The following TGFBR3 variants were observed in gnomAD, a reference collection of about 807,000 sequenced individuals.
TGFBR3 encodes transforming growth factor beta receptor 3.
In TGFBR3, 46 loss-of-function variants were observed where a neutral mutation model predicts 87.9. The ratio of observed to expected loss-of-function variants is 0.52; its 90% CI spans 0.41 to 0.67. The LOEUF (loss-of-function observed/expected upper bound fraction) is 0.67. Ranked by LOEUF, TGFBR3 falls within the 30% of genes least tolerant of loss-of-function variation. TGFBR3 has a pLI of 0.00. For missense variants in TGFBR3, 866 were observed against 1,041.9 expected (o/e 0.83, Z 2.32); for synonymous variants, 381 against 391.6 (o/e 0.97, Z 0.32).
intron 1 of TGFBR3, among the ~76,000 whole-genome samples, chr1:91,901,918 T>TG (rs1245070351): frequency 6.9e-6 from 1 of 145,862 alleles, no homozygotes; most frequent in African/African-American, 2.5e-5. Flanking sequence ...AGCAAGGCCC[T>TG]GACCCTCCCC....
chr1:91,868,097 T>C (rs574040693), intron 1 of TGFBR3, among the ~76,000 whole-genome samples: 2 of 152,288 alleles, frequency 1.3e-5, no homozygotes, highest in African/African-American at 4.8e-5. Flanking sequence ...TTTGTATTTT[T>C]AGTAGAGACA....
intron 16 of TGFBR3, among the ~76,000 whole-genome samples, chr1:91,684,154 C>T (rs1671010432): frequency 6.6e-6 from 1 of 152,220 alleles, no homozygotes; most frequent in Non-Finnish European, 1.5e-5. Flanking sequence ...TCAGGGTCCA[C>T]AACCTTTGAT....
rs1000619994 is a variant in TGFBR3 at position 91,696,251 on chromosome 1, C to T, written c.2330-472G>A. Among the ~76,000 whole-genome samples, 3 of 152,170 alleles carry T rather than the reference C, an allele frequency of 2.0e-5. No homozygotes were observed. The South Asian group carries it at 6.2e-4, about 32-fold the overall frequency. On this transcript the variant is annotated intron_variant, in intron 15 of 16. Transcript: ENST00000212355. The stretch of plus-strand genomic sequence containing the variant: ...AACACACACCTTAGAATACTTTATA[C>T]ACATATTTTTGTGAACATTTACAAG...
Position 91,761,449 on chromosome 1 carries a change from C to A in TGFBR3, c.247-2699G>T, listed in dbSNP as rs887042067. ...TGGCACACAGGGTCCAGGCAGAGCC[C>A]CAAAAGCCATTTGGCAAAGAAGAAT... On this transcript the variant is annotated intron_variant, in intron 3 of 16. Transcript: ENST00000212355. Among the ~76,000 whole-genome samples the A allele has an allele frequency of 3.3e-5, 5 of 152,188 alleles. No individual in the cohort carries two copies. The East Asian group carries it at 9.6e-4, about 29-fold the overall frequency.
chr1:91,684,620 G>A (rs776722553), intron 16 of TGFBR3, among the ~76,000 whole-genome samples: 1 of 152,062 alleles, frequency 6.6e-6, no homozygotes, highest in Non-Finnish European at 1.5e-5. Flanking sequence ...GCCATTCATC[G>A]TGCCAAATGT....
At chr1:91,879,960 T>A (rs1284404087) in intron 1 of TGFBR3, among the ~76,000 whole-genome samples, 1 of 152,178 alleles carries the variant, frequency 6.6e-6, no homozygotes, top group East Asian at 1.9e-4. Flanking sequence ...ACTGAACAAA[T>A]TAGCAACAGC....
In TGFBR3 at chr1:91,834,660, C is replaced by T. The variant is rs145970406; in HGVS notation, c.61+26811G>A. 5.5e-3 allele frequency among the ~76,000 whole-genome samples: 834 copies of T among 152,254 alleles called. 6 individuals are homozygous for T. Among genetic ancestry groups the T allele is most frequent in the African/African-American group, 0.019 (780 of 41,566 alleles). On this transcript the variant is annotated intron_variant, in intron 2 of 16. Coordinates refer to ENST00000212355, the MANE Select transcript of TGFBR3 (RefSeq NM_003243.5). ...AGGAGAAATAGACAATGAACAAATA[C>T]GTGAGATGGAGTTTGTTTTGGTTTG... is the stretch of plus-strand genomic sequence containing the variant.
At chr1:91,882,138 CTTTTTT>C (rs533806602) in intron 1 of TGFBR3, among the ~76,000 whole-genome samples, 2 of 129,610 alleles carry the variant, frequency 1.5e-5, no homozygotes, top group Non-Finnish European at 3.2e-5. Flanking sequence ...AATTGAAAAC[CTTTTTT>C]TTTTTTTTTT....
intron 1 of TGFBR3, among the ~76,000 whole-genome samples, chr1:91,902,248 C>T (rs903459570): frequency 7.4e-6 from 1 of 135,818 alleles, no homozygotes; most frequent in Non-Finnish European, 1.6e-5. Flanking sequence ...TGTTTGAAGA[C>T]GTGCAGTTTC....
At chr1:91,886,245 A>AGGGCGCTCCTCCGCC (rs1419173953), upstream of TGFBR3, 1 of 443,690 alleles carries the variant, frequency 2.3e-6, no homozygotes, top group African/African-American at 2.0e-5. Flanking sequence ...CGCGGGGGGA[A>AGGGCGCTCCTCCGCC]GGGCGCTCCT....
intron 12 of TGFBR3, 100 bp downstream of exon 12, chr1:91,716,136 G>A: frequency 7.0e-7 from 1 of 1,433,552 alleles, no homozygotes. Flanking sequence ...GGTCTGTGAG[G>A]TAGGACAGGA....
intron 3 of TGFBR3, among the ~76,000 whole-genome samples, chr1:91,786,902 A>G (rs1416781547): frequency 6.6e-6 from 1 of 152,200 alleles, no homozygotes; most frequent in African/African-American, 2.4e-5. Flanking sequence ...GGGTTCTTAA[A>G]TTCTATTTTA....
intron 3 of TGFBR3, among the ~76,000 whole-genome samples, chr1:91,792,867 C>A (rs1675245001): frequency 6.6e-6 from 1 of 152,216 alleles, no homozygotes; most frequent in Non-Finnish European, 1.5e-5. Flanking sequence ...TGCTCTTCTG[C>A]TGTCCTCTGT....
chr1:91,809,295 A>G (rs777666843), intron 2 of TGFBR3, among the ~76,000 whole-genome samples: 14 of 152,232 alleles, frequency 9.2e-5, no homozygotes, highest in Non-Finnish European at 1.9e-4. Context: ...GATGGGAGAA[A>G]GAGAGGTAAG....
intron 6 of TGFBR3, among the ~76,000 whole-genome samples, chr1:91,728,726 T>C (rs1672636565): frequency 6.6e-6 from 1 of 152,124 alleles, no homozygotes; most frequent in African/African-American, 2.4e-5. Flanking sequence ...ATCAAAACGA[T>C]CTGTAGCTTA....
chr1:91,873,713 A>G (rs1222209962), intron 1 of TGFBR3, among the ~76,000 whole-genome samples: 1 of 152,286 alleles, frequency 6.6e-6, no homozygotes, highest in East Asian at 1.9e-4. Context: ...TTGGGAGGCC[A>G]AGGCGGGTGG....
intron 3 of TGFBR3, among the ~76,000 whole-genome samples, chr1:91,795,259 T>C (rs1257274642): frequency 6.6e-6 from 1 of 152,218 alleles, no homozygotes; most frequent in Non-Finnish European, 1.5e-5. Context: ...CATCTTCAAA[T>C]CACTGGCCCA....
chr1:91,694,689 T>C (rs76973197), intron 16 of TGFBR3, among the ~76,000 whole-genome samples: 1 of 152,214 alleles, frequency 6.6e-6, no homozygotes, highest in Non-Finnish European at 1.5e-5. Flanking sequence ...ATCATGGCAT[T>C]CATTGGTTTA....
At chr1:91,704,584 A>G (rs1454094422) in intron 14 of TGFBR3, among the ~76,000 whole-genome samples, 1 of 152,232 alleles carries the variant, frequency 6.6e-6, no homozygotes, top group Non-Finnish European at 1.5e-5. Context: ...AGGATAAAAT[A>G]TAATAATCCA....
Sources: gnomAD v4.1 joint callset for allele counts (sites outside exome capture counted in the v4.1 genomes callset) on GRCh38, gnomAD v4.1.1 for gene constraint, MANE v1.5 for transcripts, NCBI Gene and HGNC (gene_info 2026-07-23, HGNC 2026-07-21) for gene names.